The following HRH1 variants were observed in gnomAD, a reference collection of about 807,000 sequenced individuals.
The protein encoded by HRH1 is histamine receptor H1.
HRH1 carries 6 observed loss-of-function variants against 10.3 expected under a neutral mutation model. The ratio of observed to expected loss-of-function variants is 0.58; its 90% CI spans 0.32 to 1.15. HRH1 has a LOEUF of 1.15. Ranked by LOEUF, HRH1 falls within the 50% of genes most tolerant of loss-of-function variation. HRH1 has a pLI of 0.05. For synonymous variants in HRH1, 242 were observed against 236.7 expected (o/e 1.02, Z -0.21); for missense variants, 514 against 615.3 (o/e 0.84, Z 1.74).
At chr3:11,152,355 C>T (rs1159302716), upstream of HRH1, among the ~76,000 whole-genome samples, 2 of 152,190 alleles carry the variant, frequency 1.3e-5, no homozygotes, top group African/African-American at 4.8e-5. Context: ...ACCTCCTGAT[C>T]TGTCAGTTCC....
chr3:11,206,146 GCT>G (rs1938116436), intron 1 of HRH1, among the ~76,000 whole-genome samples: 1 of 152,042 alleles, frequency 6.6e-6, no homozygotes, highest in Non-Finnish European at 1.5e-5. Flanking sequence ...ACAGGGTCTT[GCT>G]CTGTCACCCA....
At chr3:11,234,964 C>G (rs1383751003) in intron 1 of HRH1, among the ~76,000 whole-genome samples, 2 of 151,952 alleles carry the variant, frequency 1.3e-5, no homozygotes, top group Non-Finnish European at 2.9e-5. Context: ...GCCTGTAATC[C>G]CAGCACTTTG....
chr3:11,244,859 T>C (rs960018690), intron 1 of HRH1, among the ~76,000 whole-genome samples: 1 of 152,188 alleles, frequency 6.6e-6, no homozygotes, highest in East Asian at 1.9e-4. Flanking sequence ...TTCAGTTGGA[T>C]CAGTGGTTCT....
chr3:11,183,822 A>C (rs1357511982), intron 1 of HRH1, among the ~76,000 whole-genome samples: 1 of 143,468 alleles, frequency 7.0e-6, no homozygotes, highest in African/African-American at 2.6e-5. Context: ...ATTTCAAATA[A>C]GCTTGTGATG....
At position 11,210,718 on chromosome 3, in the gene HRH1, G is replaced by A. The variant is rs576120720; in HGVS notation, c.-35-48285G>A. Among the ~76,000 whole-genome samples the A allele has an allele frequency of 4.6e-5, 7 of 152,030 alleles. No homozygotes were observed. The South Asian group carries it at 8.3e-4, about 18-fold the overall frequency. On this transcript the variant is annotated intron_variant, in intron 1 of 1. Coordinates refer to ENST00000431010, the MANE Select transcript of HRH1 (RefSeq NM_001098212.2). ...CAAGGTGGGAGGATTGCTTGAGCTCGGGAGGCAGAGGTTGCAGTGAACCAA... is the reference window on the plus strand; with the variant it reads ...CAAGGTGGGAGGATTGCTTGAGCTCAGGAGGCAGAGGTTGCAGTGAACCAA...
chr3:11,182,052 G>A (rs1246014364), intron 1 of HRH1, among the ~76,000 whole-genome samples: 3 of 151,586 alleles, frequency 2.0e-5, no homozygotes, highest in South Asian at 2.1e-4. Context: ...ACACAATCTC[G>A]GCTCACTGCA....
intron 1 of HRH1, among the ~76,000 whole-genome samples, chr3:11,242,916 T>C (rs1287257146): frequency 7.0e-6 from 1 of 143,628 alleles, no homozygotes; most frequent in Non-Finnish European, 1.5e-5. Context: ...GGGTCTCTCT[T>C]TTTTTTTTCC....
In HRH1 at chr3:11,260,099, T is replaced by G. The variant is rs759775051; in HGVS notation, c.1062T>G (p.Asp354Glu). 1 of 1,613,954 alleles carries G rather than the reference T, an allele frequency of 6.2e-7. No individual in the cohort carries two copies. Among genetic ancestry groups the G allele is most frequent in the Admixed American group, 1.7e-5 (1 of 60,010 alleles). Reference sequence around the variant, plus strand: ...TATCAGAGGATCAGATGTTAGGTGATAGCCAATCCTTCTCTCGAACGGACT... The same window carrying G: ...TATCAGAGGATCAGATGTTAGGTGAGAGCCAATCCTTCTCTCGAACGGACT... ...SEISEDQMLG[D>E]SQSFSRTDSD... The change falls in exon 2 of 2, where the codon GAT becomes GAG. Residue 354 changes from aspartate to glutamate, a missense_variant. Physicochemically the swap from Asp to Glu is conservative, Grantham distance 45. Coordinates refer to ENST00000431010, the MANE Select transcript of HRH1 (RefSeq NM_001098212.2).
chr3:11,140,953 T>C (rs1936280132), intron 1 of HRH1, among the ~76,000 whole-genome samples: 1 of 152,168 alleles, frequency 6.6e-6, no homozygotes, highest in African/African-American at 2.4e-5. Context: ...CATCTGAACT[T>C]TCTCCCCTTG....
chr3:11,221,918 C>A (rs995229184), intron 1 of HRH1, among the ~76,000 whole-genome samples: 10 of 152,294 alleles, frequency 6.6e-5, no homozygotes, highest in Admixed American at 3.3e-4. Context: ...ATACCACGTG[C>A]CAGATGCCCT....
intron 1 of HRH1, among the ~76,000 whole-genome samples, chr3:11,256,140 G>A (rs1939775035): frequency 6.6e-6 from 1 of 152,176 alleles, no homozygotes; most frequent in Admixed American, 6.5e-5. Context: ...AGCACAGAGT[G>A]ACAGGAGCAT....
intron 1 of HRH1, among the ~76,000 whole-genome samples, chr3:11,242,505 A>G (rs1005155608): frequency 6.7e-6 from 1 of 150,328 alleles, no homozygotes; most frequent in Non-Finnish European, 1.5e-5. Context: ...AAAAAAAAAA[A>G]AAAAGCTGTA....
intron 1 of HRH1, among the ~76,000 whole-genome samples, chr3:11,239,191 A>C (rs1298017589): frequency 6.6e-6 from 1 of 152,160 alleles, no homozygotes; most frequent in Non-Finnish European, 1.5e-5. Context: ...CCTTCTTTTT[A>C]AATTATAGTC....
chr3:11,259,464 C>T lies in HRH1; in HGVS notation c.427C>T (p.Arg143Ter), dbSNP rs201661278. 1.9e-6 allele frequency: 3 copies of T among 1,613,848 alleles called. No individual in the cohort carries two copies. Among genetic ancestry groups the T allele is most frequent in the African/African-American group, 1.3e-5 (1 of 74,870 alleles). Residue 143 changes from arginine (R) to a stop codon, truncating the protein, a stop_gained, in exon 2 of 2, where the codon CGA becomes TGA. Transcript: ENST00000431010. LOFTEE classifies it low-confidence loss of function (END_TRUNC). This position sits in a 1 kb window ranked among gnomAD's most constrained non-coding sequence, Gnocchi z 4.6. ...LRYLKYRTKT[R>*]ASATILGAWF... ...GTACCTTAAGTATCGTACCAAGACC[C>T]GAGCCTCGGCCACCATTCTGGGGGC...
Position 11,259,789 on chromosome 3 carries a change from C to G in HRH1, c.752C>G (p.Pro251Arg). The G allele has an allele frequency of 6.2e-7, 1 of 1,613,906 alleles. No individual in the cohort carries two copies. Among genetic ancestry groups the G allele is most frequent in the Non-Finnish European group, 8.5e-7 (1 of 1,179,988 alleles). ...AACCCCAAGGGGGATGCCAAGAAAC[C>G]AGGGAAGGAGTCTCCCTGGGAGGTT... ...PENPKGDAKK[P>R]GKESPWEVLK... Residue 251 changes from proline to arginine, a missense_variant, in exon 2 of 2, where the codon CCA becomes CGA. Pro to Arg is a moderately radical substitution (Grantham distance 103). Transcript: ENST00000431010. This position sits in a 1 kb window ranked among gnomAD's most constrained non-coding sequence, Gnocchi z 4.6.
At chr3:11,250,595 G>A (rs1446870192) in intron 1 of HRH1, among the ~76,000 whole-genome samples, 2 of 152,148 alleles carry the variant, frequency 1.3e-5, no homozygotes, top group East Asian at 3.9e-4. Context: ...GTGCTAGGAG[G>A]CCTTGAGTCC....
intron 1 of HRH1, among the ~76,000 whole-genome samples, chr3:11,222,309 A>C (rs556443984): frequency 6.6e-6 from 1 of 152,332 alleles, no homozygotes; most frequent in South Asian, 2.1e-4. Context: ...GCAGGTCCTC[A>C]TGGGAACAAT....
At chr3:11,183,691 T>C (rs1937399336) in intron 1 of HRH1, among the ~76,000 whole-genome samples, 1 of 151,902 alleles carries the variant, frequency 6.6e-6, no homozygotes, top group East Asian at 1.9e-4. Flanking sequence ...TTTTGTGCCG[T>C]TTGCCTTTCC....
chr3:11,151,047 A>G (rs1033147248), upstream of HRH1, among the ~76,000 whole-genome samples: 4 of 152,232 alleles, frequency 2.6e-5, no homozygotes, highest in Non-Finnish European at 5.9e-5. Context: ...TCCTAGTTCC[A>G]GTGGCCTACA....
Sources: gnomAD v4.1 joint callset for allele counts (sites outside exome capture counted in the v4.1 genomes callset) on GRCh38, gnomAD v4.1.1 for gene constraint, Gnocchi (gnomAD v3.1) non-coding constraint, MANE v1.5 for transcripts, NCBI Gene and HGNC (gene_info 2026-07-23, HGNC 2026-07-21) for gene names.